RAD51B: variants seen among roughly 807,000 people sequenced by gnomAD.
RAD51B encodes DNA repair protein RAD51 homolog 2.
In RAD51B, 38 loss-of-function variants were observed where a neutral mutation model predicts 42.2. The observed-to-expected ratio is 0.90, with a 90% CI of 0.70 to 1.18. The LOEUF is 1.18. Ranked by LOEUF, RAD51B falls within the 50% of genes most tolerant of loss-of-function variation. The pLI is 0.00. For missense variants in RAD51B, 373 were observed against 400.7 expected, an observed-to-expected ratio of 0.93 and a Z score of 0.59; for synonymous variants, 154 against 145.2, an observed-to-expected ratio of 1.06 and a Z score of -0.43.
intron 7 of RAD51B, among the ~76,000 whole-genome samples, chr14:68,255,223 CTT>C (rs2080728531): frequency 6.6e-6 from 1 of 151,964 alleles, no homozygotes; most frequent in African/African-American, 2.4e-5. Flanking sequence ...AACTTTTTCT[CTT>C]TGTGGTCTAA....
At chr14:67,953,232 GTGTT>G (rs2074487058) in intron 7 of RAD51B, among the ~76,000 whole-genome samples, 1 of 152,154 alleles carries the variant, frequency 6.6e-6, no homozygotes. Flanking sequence ...ATTATGGTGT[GTGTT>G]GAATTTGGAC....
chr14:68,092,373 A>G (rs1007836241), intron 7 of RAD51B, among the ~76,000 whole-genome samples: 6 of 151,974 alleles, frequency 3.9e-5, no homozygotes, highest in African/African-American at 1.5e-4. Context: ...CTTTTATTTC[A>G]TTGAGCAGTG....
At chr14:68,303,402 A>G (rs1465080098) in intron 8 of RAD51B, among the ~76,000 whole-genome samples, 2 of 151,714 alleles carry the variant, frequency 1.3e-5, no homozygotes, top group East Asian at 3.9e-4. Context: ...GCACATGTAT[A>G]CCCATGCAAC....
chr14:68,136,675 G>A (rs113950154), intron 7 of RAD51B, among the ~76,000 whole-genome samples: 17,100 of 59,422 alleles, frequency 0.29, 6,560 homozygotes, highest in East Asian at 0.82. Flanking sequence ...GGTGTGTTTT[G>A]TGTTCTTTGC....
chr14:68,224,289 C>T (rs373312481), intron 7 of RAD51B, among the ~76,000 whole-genome samples: 4 of 152,188 alleles, frequency 2.6e-5, no homozygotes, highest in Non-Finnish European at 2.9e-5. Flanking sequence ...TCAAGAACCA[C>T]TTTGGAAAAA....
At chr14:67,869,249 A>G (rs1333035888) in intron 5 of RAD51B, among the ~76,000 whole-genome samples, 1 of 152,260 alleles carries the variant, frequency 6.6e-6, no homozygotes, top group Non-Finnish European at 1.5e-5. Flanking sequence ...AAAGGAGCTG[A>G]TGGAGCTGAA....
At chr14:68,395,039 A>G (rs1594775072) in intron 8 of RAD51B, among the ~76,000 whole-genome samples, 2 of 152,208 alleles carry the variant, frequency 1.3e-5, no homozygotes, top group Middle Eastern at 6.8e-3. Flanking sequence ...AAACAGCAAG[A>G]TCTGTCGGCA....
At chr14:68,310,563 CG>C (rs1430867878) in intron 8 of RAD51B, among the ~76,000 whole-genome samples, 1 of 152,016 alleles carries the variant, frequency 6.6e-6, no homozygotes, top group Non-Finnish European at 1.5e-5. Flanking sequence ...AAGCAGGTCA[CG>C]GCTGGACGTG....
chr14:68,308,704 T>TA (rs67048671), intron 8 of RAD51B, among the ~76,000 whole-genome samples: 15,449 of 104,248 alleles, frequency 0.15, 1,928 homozygotes, highest in East Asian at 0.35. Context: ...TCTGTGTCAT[T>TA]AAAAAAAAAA....
intron 4 of RAD51B, among the ~76,000 whole-genome samples, chr14:67,842,984 A>G (rs2041481098): frequency 6.6e-6 from 1 of 152,150 alleles, no homozygotes; most frequent in Admixed American, 6.5e-5. Context: ...ATTGATTTAC[A>G]TATGTTGAAC....
intron 7 of RAD51B, among the ~76,000 whole-genome samples, chr14:68,132,438 A>T (rs76228269): frequency 9.6e-4 from 146 of 152,366 alleles, no homozygotes; most frequent in African/African-American, 3.5e-3. Context: ...GTGTTTCAAC[A>T]TCAGGAAGAA....
At position 68,107,130 on chromosome 14, in the gene RAD51B, C is replaced by A. The variant is rs1275237723; in HGVS notation, c.757-184754C>A. ...AACATTCAGGACTGGTATAAACATG[C>A]TTGGCTATGACACAGTTAAGCTGAC... On this transcript the variant is annotated intron_variant, in intron 7 of 10. Transcript: ENST00000471583. Among the ~76,000 whole-genome samples, 3 of 151,788 alleles carry A rather than the reference C, an allele frequency of 2.0e-5. No homozygotes were observed. The East Asian group carries it at 5.8e-4, about 29-fold the overall frequency.
At chr14:68,648,117 A>ATATACGTGTG (rs1242090421) in intron 10 of RAD51B, among the ~76,000 whole-genome samples, 5 of 90,286 alleles carry the variant, frequency 5.5e-5, no homozygotes, top group Admixed American at 3.6e-4. Flanking sequence ...ACACACGTAT[A>ATATACGTGTG]TATATATACA....
At chr14:68,156,760 T>G (rs1055330477) in intron 7 of RAD51B, among the ~76,000 whole-genome samples, 1 of 152,172 alleles carries the variant, frequency 6.6e-6, no homozygotes, top group African/African-American at 2.4e-5. Flanking sequence ...TTCTTGAAAG[T>G]TTGAAAATGG....
chr14:68,626,673 G>C (rs897058534), intron 10 of RAD51B, among the ~76,000 whole-genome samples: 1 of 152,224 alleles, frequency 6.6e-6, no homozygotes, highest in Non-Finnish European at 1.5e-5. Flanking sequence ...CTGATTTCTA[G>C]AGCAAGTGTC....
At chr14:67,995,357 T>C (rs1436372010) in intron 7 of RAD51B, among the ~76,000 whole-genome samples, 3 of 151,878 alleles carry the variant, frequency 2.0e-5, no homozygotes, top group Admixed American at 1.3e-4. Context: ...ACTACTCCAG[T>C]CTGGCAACAG....
At chr14:68,307,065 A>G (rs1029097658) in intron 8 of RAD51B, among the ~76,000 whole-genome samples, 1 of 151,020 alleles carries the variant, frequency 6.6e-6, no homozygotes, top group Non-Finnish European at 1.5e-5. Context: ...CTGGGTTTTC[A>G]GCACTTAATA....
At chr14:68,218,564 C>T (rs1473718520) in intron 7 of RAD51B, among the ~76,000 whole-genome samples, 2 of 152,176 alleles carry the variant, frequency 1.3e-5, no homozygotes, top group African/African-American at 4.8e-5. Flanking sequence ...ATTGATGTGG[C>T]ATTAGCATTG....
chr14:68,055,809 C>G (rs796881344), intron 7 of RAD51B, among the ~76,000 whole-genome samples: 23 of 152,254 alleles, frequency 1.5e-4, no homozygotes, highest in African/African-American at 5.5e-4. Context: ...AATGCTGGCT[C>G]TACACAGTGA....
Sources: gnomAD v4.1 joint callset for allele counts (sites outside exome capture counted in the v4.1 genomes callset) on GRCh38, gnomAD v4.1.1 for gene constraint, MANE v1.5 for transcripts, NCBI Gene and HGNC (gene_info 2026-07-23, HGNC 2026-07-21) for gene names.